The following ANO4 variants were observed in gnomAD, a reference collection of about 807,000 sequenced individuals.
The protein encoded by ANO4 is anoctamin 4.
In ANO4, 69 loss-of-function variants were observed where a neutral mutation model predicts 141.9. The observed-to-expected ratio is 0.49, with a 90% CI of 0.40 to 0.59. The LOEUF is 0.59. Among genes scored for constraint, ANO4 ranks in the 20% least tolerant of loss-of-function variants. The pLI is 0.00. For missense variants in ANO4, 894 were observed against 1,162.2 expected (o/e 0.77, Z 3.36); for synonymous variants, 350 against 394.3 (o/e 0.89, Z 1.33).
At chr12:101,037,230 A>G in intron 10 of ANO4, 80 bp downstream of exon 10, 1 of 1,434,210 alleles carries the variant, frequency 7.0e-7, no homozygotes, top group Middle Eastern at 1.8e-4. Context: ...TCAATAATTG[A>G]ATTTGTTGAC....
At chr12:100,923,201 T>A (rs375273173) in intron 3 of ANO4, among the ~76,000 whole-genome samples, 2 of 152,110 alleles carry the variant, frequency 1.3e-5, no homozygotes, top group African/African-American at 4.8e-5. Flanking sequence ...GTTTGATACA[T>A]AGGTATACAT....
chr12:100,912,417 G>GAAAAAAAAA (rs10641222), intron 2 of ANO4, among the ~76,000 whole-genome samples: 28 of 120,976 alleles, frequency 2.3e-4, no homozygotes, highest in Middle Eastern at 4.6e-3. Context: ...AAAGAAAAAA[G>GAAAAAAAAA]AAAAAAAAAA....
rs1456135119 is a variant in ANO4, at chr12:100,970,706, C to G, written c.457-600C>G. The stretch of plus-strand genomic sequence containing the variant: ...CCTTCCTTCCTTCCTTCCTTCCTTC[C>G]TTCCTTCCTTCCTTCCTTCCTTCTT... On this transcript the variant is annotated intron_variant, in intron 5 of 27. Transcript: ENST00000392977. 1.2e-4 allele frequency among the ~76,000 whole-genome samples: 16 copies of G among 134,312 alleles called. 1 individual carries two copies. Among genetic ancestry groups the G allele is most frequent in the Admixed American group, 8.6e-4 (11 of 12,816 alleles). 88.1% of individuals were successfully genotyped at this position (134,312 alleles called of 152,430 possible). A position where few individuals can be genotyped will look rare whatever the true frequency, so the allele number is the denominator to read the frequency against.
At chr12:100,740,150 A>C in intron 3 of ANO4, 1 of 692,898 alleles carries the variant, frequency 1.4e-6, no homozygotes, top group Non-Finnish European at 2.6e-6. Context: ...GGGTGTGTAT[A>C]AGATTCCTTC....
At chr12:100,809,232 C>A (rs910394273) in intron 1 of ANO4, among the ~76,000 whole-genome samples, 1 of 152,032 alleles carries the variant, frequency 6.6e-6, no homozygotes, top group African/African-American at 2.4e-5. Flanking sequence ...ACTAAAGATA[C>A]AAGAATTAGC....
chr12:101,036,649 C>A (rs921390349), intron 9 of ANO4, among the ~76,000 whole-genome samples: 1 of 152,104 alleles, frequency 6.6e-6, no homozygotes, highest in African/African-American at 2.4e-5. Flanking sequence ...AAAAGCCAAA[C>A]TCTTAGAAAC....
chr12:101,096,400 C>T (rs948197525), intron 18 of ANO4, 136 bp from the exon 19 acceptor site: 32 of 639,148 alleles, frequency 5.0e-5, no homozygotes, highest in Non-Finnish European at 6.7e-5. Context: ...ACACGCCATC[C>T]GTGGGTAAAC....
intron 1 of ANO4, among the ~76,000 whole-genome samples, chr12:100,824,482 G>C (rs2036221006): frequency 6.6e-6 from 1 of 151,972 alleles, no homozygotes; most frequent in South Asian, 2.1e-4. Flanking sequence ...TAAATTTGTA[G>C]ATATACAGAT....
chr12:100,733,524 G>A (rs1288583494), intron 1 of ANO4, among the ~76,000 whole-genome samples: 2 of 152,120 alleles, frequency 1.3e-5, no homozygotes, highest in Non-Finnish European at 2.9e-5. Flanking sequence ...TTGTAATAAT[G>A]ATGACATGAA....
At chr12:101,013,613 G>A (rs1373377989) in intron 8 of ANO4, among the ~76,000 whole-genome samples, 2 of 152,214 alleles carry the variant, frequency 1.3e-5, no homozygotes, top group East Asian at 1.9e-4. Context: ...TATCCATGCT[G>A]TTCATATAGT....
intron 25 of ANO4, among the ~76,000 whole-genome samples, chr12:101,118,591 A>G (rs76762111): frequency 0.014 from 2,190 of 152,318 alleles, 52 homozygotes; most frequent in African/African-American, 0.05. Flanking sequence ...CTTCTCAAAT[A>G]CATTAATGAC....
In ANO4 at chr12:101,086,656, C is replaced by T. The variant is rs1168218815; in HGVS notation, c.1537-4C>T. On this transcript the variant is annotated splice_region_variant and splice_polypyrimidine_tract_variant and intron_variant, in intron 16 of 27. Transcript: ENST00000392977. ...GTTCACCGGGTGTCTTGTCTTCCTG[C>T]CAGATCTGCGTGGTGATTGCTGCCG... The T allele has an allele frequency of 6.2e-7, 1 of 1,613,266 alleles. No homozygotes were observed. Among genetic ancestry groups the T allele is most frequent in the Non-Finnish European group, 8.5e-7 (1 of 1,179,662 alleles).
chr12:100,823,599 A>G (rs558249430), intron 1 of ANO4, among the ~76,000 whole-genome samples: 1 of 152,200 alleles, frequency 6.6e-6, no homozygotes, highest in African/African-American at 2.4e-5. Context: ...ATCACGAGCC[A>G]GATGTTTTAA....
chr12:100,971,451 G>C, intron 6 of ANO4, 45 bp downstream of exon 6: 1 of 1,354,556 alleles, frequency 7.4e-7, no homozygotes, highest in Non-Finnish European at 1.0e-6. Context: ...CTGCTTCACT[G>C]TAAATCTAAT....
intron 7 of ANO4, among the ~76,000 whole-genome samples, chr12:100,986,472 G>T (rs2044714595): frequency 1.3e-5 from 2 of 152,114 alleles, no homozygotes; most frequent in African/African-American, 2.4e-5. Flanking sequence ...CTCAAACACT[G>T]ATCTCTTCAG....
chr12:100,760,737 GT>G (rs2032820981), intron 3 of ANO4, among the ~76,000 whole-genome samples: 1 of 152,160 alleles, frequency 6.6e-6, no homozygotes, highest in Non-Finnish European at 1.5e-5. Flanking sequence ...CTCCTCTTCT[GT>G]TCTGCAGGCT....
At chr12:100,915,052 C>A (rs1231511159) in intron 2 of ANO4, among the ~76,000 whole-genome samples, 2 of 151,976 alleles carry the variant, frequency 1.3e-5, no homozygotes, top group Non-Finnish European at 2.9e-5. Flanking sequence ...AACTTCTGGT[C>A]TCAAGCAGTC....
intron 2 of ANO4, among the ~76,000 whole-genome samples, chr12:100,905,545 A>T (rs992926362): frequency 6.6e-6 from 1 of 152,198 alleles, no homozygotes; most frequent in Non-Finnish European, 1.5e-5. Flanking sequence ...GTGGAGGTCA[A>T]TGGTGATTTT....
intron 14 of ANO4, among the ~76,000 whole-genome samples, chr12:101,078,958 C>T (rs2049134132): frequency 6.6e-6 from 1 of 152,172 alleles, no homozygotes; most frequent in Non-Finnish European, 1.5e-5. Context: ...ACTTGTAAAT[C>T]AGCTTAATTC....
Sources: allele counts gnomAD v4.1 joint callset (sites outside exome capture counted in the v4.1 genomes callset), GRCh38; gene constraint gnomAD v4.1.1; transcripts MANE v1.5; gene names NCBI Gene and HGNC (gene_info 2026-07-23, HGNC 2026-07-21).